The following TFAM variants were observed in gnomAD, a reference collection of about 807,000 sequenced individuals.
TFAM encodes the protein transcription factor A, mitochondrial.
A neutral mutation model predicts 30.6 loss-of-function variants in TFAM; 13 were observed. The observed-to-expected ratio is 0.42, with a 90% CI of 0.28 to 0.67. TFAM has a LOEUF of 0.67. TFAM is among the 30% of genes least tolerant of loss of function. TFAM has a pLI of 0.21. For missense variants in TFAM, 231 were observed against 293.7 expected (o/e 0.79, Z 1.56); for synonymous variants, 106 against 94.8 (o/e 1.12, Z -0.69).
At chr10:58,393,228 C>G (rs950943563) in intron 5 of TFAM, among the ~76,000 whole-genome samples, 1 of 152,170 alleles carries the variant, frequency 6.6e-6, no homozygotes, top group Non-Finnish European at 1.5e-5. Flanking sequence ...ATCTGCCTGC[C>G]TCGGCCTCCC....
Position 58,395,792 on chromosome 10 carries a change from C to CT in TFAM, c.*725dup. The CT allele has an allele frequency of 6.8e-6, 2 of 293,514 alleles. No individual in the cohort carries two copies. Among genetic ancestry groups the CT allele is most frequent in the Non-Finnish European group, 1.2e-5 (2 of 160,810 alleles). 18.2% of individuals were successfully genotyped at this position (293,514 alleles called of 1,614,324 possible). ...GAAACATTTGTTCTATAGCTTTTCCCTTTTTTTAAGTAAGGAATTTTATTT... is the reference window on the plus strand; with the variant it reads ...GAAACATTTGTTCTATAGCTTTTCCCTTTTTTTTAAGTAAGGAATTTTATTT... On this transcript the variant is annotated 3_prime_UTR_variant, in exon 7 of 7. Coordinates refer to ENST00000487519, the MANE Select transcript of TFAM (RefSeq NM_003201.3).
At chr10:58,386,672 G>A in intron 2 of TFAM, 2 of 1,143,042 alleles carry the variant, frequency 1.7e-6, no homozygotes, top group Non-Finnish European at 1.1e-6. Context: ...CTGGCTCAGG[G>A]AATTGTTAAT....
At position 58,386,446 on chromosome 10, in the gene TFAM, A is replaced by T; in HGVS notation, c.220+108A>T. ...GCTAAAGCATTCAGTGACTGCAGGA[A>T]CAATCATTTGATGTCTGTAAAATAG... On this transcript the variant is annotated intron_variant, in intron 2 of 6. Coordinates refer to ENST00000487519, the MANE Select transcript of TFAM (RefSeq NM_003201.3). The T allele has an allele frequency of 3.4e-6, 3 of 880,594 alleles. No individual in the cohort carries two copies. In the South Asian group the frequency reaches 4.1e-5, roughly 12 times the overall value. 54.5% of individuals were successfully genotyped at this position (880,594 alleles called of 1,614,324 possible).
At position 58,388,785 on chromosome 10, in the gene TFAM, A is replaced by G; in HGVS notation, c.407A>G (p.Lys136Arg). ...IMSLEKEIMD[K>R]HLKRKAMTKK... is the part of the protein sequence containing the mutation. The stretch of plus-strand genomic sequence containing the variant: ...TCTTTGGAAAAAGAAATCATGGACA[A>G]ACATTTAAAAAGGAAAGCTATGACA... The change falls in exon 4 of 7, where the codon AAA becomes AGA. Residue 136 changes from lysine (K) to arginine (R), a missense_variant. Transcript: ENST00000487519. 6.2e-7 allele frequency: 1 copy of G among 1,612,328 alleles called. No homozygotes were observed. Among genetic ancestry groups the G allele is most frequent in the Non-Finnish European group, 8.5e-7 (1 of 1,179,158 alleles).
intron 4 of TFAM, among the ~76,000 whole-genome samples, chr10:58,389,454 T>C (rs1840550914): frequency 6.6e-6 from 1 of 152,224 alleles, no homozygotes; most frequent in South Asian, 2.1e-4. Flanking sequence ...AGTTTGCTAG[T>C]CGTGTACCTA....
rs752834063 is a variant in TFAM, at chr10:58,395,959, C to T, written c.*885C>T. ...AACACTTTGCATAACGTATAAAAGCCTGTTTAAGAGACAGCCAACTATGGC... is the reference window on the plus strand; with the variant it reads ...AACACTTTGCATAACGTATAAAAGCTTGTTTAAGAGACAGCCAACTATGGC... On this transcript the variant is annotated 3_prime_UTR_variant, in exon 7 of 7. Transcript: ENST00000487519. 1 of 189,000 alleles carries T rather than the reference C, an allele frequency of 5.3e-6. No individual in the cohort carries two copies. Among genetic ancestry groups the T allele is most frequent in the Non-Finnish European group, 1.1e-5 (1 of 93,174 alleles). 11.7% of individuals were successfully genotyped at this position (189,000 alleles called of 1,614,324 possible).
At chr10:58,385,704 G>A in intron 1 of TFAM, 56 bp downstream of exon 1, 1 of 1,321,874 alleles carries the variant, frequency 7.6e-7, no homozygotes, top group Non-Finnish European at 1.1e-6. Context: ...TCCCGGGGTT[G>A]GAATGTAGAC....
chr10:58,394,875 C>G lies in TFAM; in HGVS notation c.595-53C>G, dbSNP rs937372296. 1.4e-5 allele frequency: 21 copies of G among 1,530,676 alleles called. No individual in the cohort carries two copies. In the East Asian group the frequency reaches 5.1e-4, roughly 37 times the overall value. 94.8% of individuals were successfully genotyped at this position (1,530,676 alleles called of 1,614,324 possible). ...GAAATTAATTGCTATTTTAAATAAT[C>G]ATTTTATCTCAAAAAATAAGTAAAT... On this transcript the variant is annotated intron_variant, in intron 6 of 6. Coordinates refer to ENST00000487519, the MANE Select transcript of TFAM (RefSeq NM_003201.3).
At position 58,395,375 on chromosome 10, in the gene TFAM, G is replaced by A. The variant is rs1224247685; in HGVS notation, c.*301G>A. 2.7e-6 allele frequency: 1 copy of A among 372,950 alleles called. No homozygotes were observed. The highest frequency in any genetic ancestry group is 5.7e-5 in the East Asian group (1 of 17,402). 23.1% of individuals were successfully genotyped at this position (372,950 alleles called of 1,614,324 possible). On this transcript the variant is annotated 3_prime_UTR_variant, in exon 7 of 7. Transcript: ENST00000487519. Reference sequence around the variant, plus strand: ...AGACTATGAAGTTTTTTTTATACAGGATGATGACTATGGAAAGAGTACTCT... The same window carrying A: ...AGACTATGAAGTTTTTTTTATACAGAATGATGACTATGGAAAGAGTACTCT...
chr10:58,395,136 C>A lies in TFAM; in HGVS notation c.*62C>A. 1 of 1,519,650 alleles carries A rather than the reference C, an allele frequency of 6.6e-7. No homozygotes were observed. The highest frequency in any genetic ancestry group is 9.1e-7 in the Non-Finnish European group (1 of 1,097,572). The allele number at this position is 1,519,650 out of a possible 1,614,324, so 94.1% of individuals were successfully genotyped here. ...ACAGGAAACCAGTTAGGTCTCAATA[C>A]CTGAAGCTATCGTAAAATTAAGAAA... On this transcript the variant is annotated 3_prime_UTR_variant, in exon 7 of 7. Coordinates refer to ENST00000487519, the MANE Select transcript of TFAM (RefSeq NM_003201.3).
chr10:58,388,853 A>G, intron 4 of TFAM, 34 bp downstream of exon 4: 1 of 1,557,774 alleles, frequency 6.4e-7, no homozygotes, highest in Non-Finnish European at 8.8e-7. Context: ...TTCTTATGGT[A>G]AAGAATTGAG....
chr10:58,394,513 A>G, intron 6 of TFAM, 99 bp downstream of exon 6: 7 of 986,944 alleles, frequency 7.1e-6, no homozygotes, highest in Non-Finnish European at 1.2e-5. Context: ...ACCTTGTATT[A>G]CTAATAATAC....
chr10:58,386,002 C>T (rs1396572540), intron 1 of TFAM, among the ~76,000 whole-genome samples: 4 of 152,098 alleles, frequency 2.6e-5, no homozygotes, highest in Non-Finnish European at 5.9e-5. Flanking sequence ...TCCTTCACTC[C>T]CTGCCCTTCC....
chr10:58,394,421 A>G lies in TFAM; in HGVS notation c.594+7A>G. 6.2e-7 allele frequency: 1 copy of G among 1,612,450 alleles called. No homozygotes were observed. The highest frequency in any genetic ancestry group is 8.5e-7 in the Non-Finnish European group (1 of 1,178,530). On this transcript the variant is annotated splice_region_variant and intron_variant, in intron 6 of 6. Coordinates refer to ENST00000487519, the MANE Select transcript of TFAM (RefSeq NM_003201.3). The stretch of plus-strand genomic sequence containing the variant: ...GTCTGACTCTGAAAAGGAAGTGAGT[A>G]TTACGGTTGTTAGTCTCAAGTGTCT...
rs766431752 is a variant in TFAM at position 58,397,004 on chromosome 10, G to A, written c.*1930G>A. On this transcript the variant is annotated 3_prime_UTR_variant, in exon 7 of 7. Coordinates refer to ENST00000487519, the MANE Select transcript of TFAM (RefSeq NM_003201.3). ...AGCAGTCTGGGAGTAGGGGGAAAGA[G>A]AAGGAGGTGTGCTAGTGTCTATCAC... is the stretch of plus-strand genomic sequence containing the variant. 3 of 152,308 alleles carry A rather than the reference G, an allele frequency of 2.0e-5. 1 individual carries two copies. Among genetic ancestry groups the A allele is most frequent in the South Asian group, 4.1e-4 (2 of 4,826 alleles). The allele number at this position is 152,308 out of a possible 1,614,324, so 9.4% of individuals were successfully genotyped here.
intron 3 of TFAM, 135 bp downstream of exon 3, chr10:58,388,395 T>C: frequency 1.2e-6 from 1 of 820,658 alleles, no homozygotes; most frequent in Non-Finnish European, 2.0e-6. Context: ...TTATGTCTTC[T>C]CATCTGCATA....
At chr10:58,390,630 C>A in intron 4 of TFAM, 135 bp from the exon 5 acceptor site, 1 of 698,614 alleles carries the variant, frequency 1.4e-6, no homozygotes, top group Non-Finnish European at 2.4e-6. Context: ...ATGTAATAAT[C>A]ACACTATATA....
intron 2 of TFAM, 101 bp from the exon 3 acceptor site, chr10:58,388,089 A>T: frequency 1.2e-6 from 1 of 840,042 alleles, no homozygotes. Context: ...TCATTATATT[A>T]AGTTATGTGT....
chr10:58,390,949 A>G, intron 5 of TFAM, 89 bp downstream of exon 5: 4 of 1,173,598 alleles, frequency 3.4e-6, no homozygotes, highest in Non-Finnish European at 4.9e-6. Flanking sequence ...GAAGAAAAGT[A>G]GTGAATATCC....
Sources: gnomAD v4.1 joint callset for allele counts (sites outside exome capture counted in the v4.1 genomes callset) on GRCh38, gnomAD v4.1.1 for gene constraint, MANE v1.5 for transcripts, NCBI Gene and HGNC (gene_info 2026-07-23, HGNC 2026-07-21) for gene names.